The following RIN2 variants were observed in gnomAD, a reference collection of about 807,000 sequenced individuals.
RIN2 encodes the protein Ras and Rab interactor 2.
RIN2 carries 36 observed loss-of-function variants against 78.0 expected under a neutral mutation model. The observed-to-expected ratio is 0.46, with a 90% CI of 0.35 to 0.61. The LOEUF is 0.61. Among genes scored for constraint, RIN2 ranks in the 20% least tolerant of loss-of-function variants. RIN2 has a pLI of 0.00. For synonymous variants in RIN2, 466 were observed against 466.8 expected (o/e 1.00, Z 0.02); for missense variants, 1,087 against 1,159.7 (o/e 0.94, Z 0.91).
intron 1 of RIN2, among the ~76,000 whole-genome samples, chr20:19,795,105 C>T (rs116071972): frequency 0.025 from 3,815 of 152,238 alleles, 83 homozygotes; most frequent in African/African-American, 0.06. Flanking sequence ...TGTACACATG[C>T]GGTGACACTG....
intron 2 of RIN2, among the ~76,000 whole-genome samples, chr20:19,831,479 G>C (rs949826612): frequency 2.0e-5 from 3 of 152,170 alleles, no homozygotes; most frequent in African/African-American, 7.2e-5. Context: ...TGGTGTGTAT[G>C]TGAGTGTTCA....
chr20:19,962,460 A>G lies in RIN2; in HGVS notation c.463+1649A>G, dbSNP rs116837955. Among the ~76,000 whole-genome samples the G allele has an allele frequency of 3.1e-3, 467 of 152,322 alleles. 8 individuals are homozygous for G. Among genetic ancestry groups the G allele is most frequent in the African/African-American group, 0.01 (434 of 41,564 alleles). ...CAGAAGTGTGGGCAATGTGTGTGGA[A>G]GCTTCCTCGTTGTTCATTGAGGTCC... is the stretch of plus-strand genomic sequence containing the variant. On this transcript the variant is annotated intron_variant, in intron 6 of 12. Transcript: ENST00000255006.
chr20:19,974,576 G>A, intron 8 of RIN2, 78 bp from the exon 9 acceptor site: 3 of 1,435,242 alleles, frequency 2.1e-6, no homozygotes, highest in Non-Finnish European at 2.9e-6. Context: ...GTCATGCAGT[G>A]TGCTTTTTTT....
In RIN2 at chr20:19,919,377, G is replaced by A. The variant is rs531539083; in HGVS notation, c.58-15722G>A. Among the ~76,000 whole-genome samples the A allele has an allele frequency of 2.6e-5, 4 of 152,288 alleles. No homozygotes were observed. In the South Asian group the frequency reaches 8.3e-4, roughly 32 times the overall value. ...CTGAGCTCTATGAAGACATAAGTCA[G>A]CACATTTCAGTTATAAGATTTTCAA... is the stretch of plus-strand genomic sequence containing the variant. On this transcript the variant is annotated intron_variant, in intron 3 of 12. Coordinates refer to ENST00000255006, the MANE Select transcript of RIN2 (RefSeq NM_018993.4).
At chr20:19,938,689 T>C (rs1435127861) in intron 4 of RIN2, among the ~76,000 whole-genome samples, 2 of 152,242 alleles carry the variant, frequency 1.3e-5, no homozygotes, top group Non-Finnish European at 2.9e-5. Context: ...AGTTAATAGC[T>C]GTCAAGGACT....
At chr20:19,931,355 G>A (rs2040432076) in intron 3 of RIN2, among the ~76,000 whole-genome samples, 1 of 152,042 alleles carries the variant, frequency 6.6e-6, no homozygotes, top group South Asian at 2.1e-4. Flanking sequence ...TGTCCAGGCT[G>A]GTCTCCAACT....
intron 2 of RIN2, among the ~76,000 whole-genome samples, chr20:19,810,034 A>C (rs1320641388): frequency 6.6e-6 from 1 of 151,822 alleles, no homozygotes; most frequent in East Asian, 2.0e-4. Flanking sequence ...CTGCAAGGCC[A>C]AGTTGCAGCC....
At chr20:19,999,336 T>C (rs1156591842) in intron 12 of RIN2, among the ~76,000 whole-genome samples, 1 of 151,786 alleles carries the variant, frequency 6.6e-6, no homozygotes, top group African/African-American at 2.4e-5. Flanking sequence ...CTAGCTCACC[T>C]CTCCTGCAAA....
chr20:19,772,412 AG>A (rs2034162894), intron 1 of RIN2, among the ~76,000 whole-genome samples: 1 of 152,172 alleles, frequency 6.6e-6, no homozygotes, highest in African/African-American at 2.4e-5. Flanking sequence ...TTTCAAATCC[AG>A]TGGTCAGTCT....
At chr20:19,895,850 TAGATGAACC>T (rs1373782860) in intron 3 of RIN2, 1 of 152,256 alleles carries the variant, frequency 6.6e-6, no homozygotes, top group East Asian at 1.9e-4. Flanking sequence ...CTATACCGAA[TAGATGAACC>T]AGTGGGTGAT....
At chr20:19,814,210 C>G (rs983952609) in intron 2 of RIN2, among the ~76,000 whole-genome samples, 3 of 152,184 alleles carry the variant, frequency 2.0e-5, no homozygotes, top group East Asian at 1.9e-4. Flanking sequence ...ATTTGGTTAG[C>G]TTGGCCCAAG....
chr20:19,950,398 G>C (rs1410431162), intron 4 of RIN2, among the ~76,000 whole-genome samples: 1 of 152,200 alleles, frequency 6.6e-6, no homozygotes, highest in Non-Finnish European at 1.5e-5. Context: ...AACTCAGTGA[G>C]ATGGTAGATA....
chr20:19,764,836 T>C (rs1475890347), intron 1 of RIN2, among the ~76,000 whole-genome samples: 1 of 151,294 alleles, frequency 6.6e-6, no homozygotes, highest in Non-Finnish European at 1.5e-5. Context: ...CTGGCATCAT[T>C]TGGTGAATAA....
At chr20:19,928,339 C>T (rs753673995) in intron 3 of RIN2, among the ~76,000 whole-genome samples, 4 of 152,142 alleles carry the variant, frequency 2.6e-5, no homozygotes, top group African/African-American at 4.8e-5. Flanking sequence ...AACCGGGGCC[C>T]GAGACAGGAT....
chr20:19,769,317 T>C (rs2034024240), intron 1 of RIN2, among the ~76,000 whole-genome samples: 1 of 152,192 alleles, frequency 6.6e-6, no homozygotes, highest in Admixed American at 6.5e-5. Context: ...CATTGAAAGC[T>C]GTGGGTCTAG....
At chr20:19,765,180 C>T (rs2033834614) in intron 1 of RIN2, among the ~76,000 whole-genome samples, 1 of 152,048 alleles carries the variant, frequency 6.6e-6, no homozygotes, top group Non-Finnish European at 1.5e-5. Flanking sequence ...CTCCCCCACC[C>T]CCAAATCTTC....
intron 2 of RIN2, among the ~76,000 whole-genome samples, chr20:19,875,815 TG>T (rs1220424375): frequency 1.3e-5 from 2 of 151,934 alleles, no homozygotes; most frequent in African/African-American, 4.8e-5. Context: ...AGACAGACAG[TG>T]GGGATGCACA....
At chr20:19,787,422 T>TAAA (rs541323014) in intron 1 of RIN2, among the ~76,000 whole-genome samples, 32 of 85,884 alleles carry the variant, frequency 3.7e-4, no homozygotes, top group African/African-American at 1.2e-3. Flanking sequence ...GACTCCATCT[T>TAAA]AAAAAAAAAA....
intron 4 of RIN2, among the ~76,000 whole-genome samples, chr20:19,938,878 C>A (rs191236227): frequency 9.5e-4 from 144 of 152,278 alleles, no homozygotes; most frequent in Non-Finnish European, 1.7e-3. Flanking sequence ...AGGTTGGTAA[C>A]CAACTGCCCA....
Sources: allele counts gnomAD v4.1 joint callset (sites outside exome capture counted in the v4.1 genomes callset), GRCh38; gene constraint gnomAD v4.1.1; transcripts MANE v1.5; gene names NCBI Gene and HGNC (gene_info 2026-07-23, HGNC 2026-07-21).